NCKAP5: variants seen among roughly 807,000 people sequenced by gnomAD.
NCKAP5 encodes the protein NCK associated protein 5.
A neutral mutation model predicts 167.0 loss-of-function variants in NCKAP5; 92 were observed. The observed-to-expected ratio is 0.55, with a 90% CI of 0.47 to 0.66. NCKAP5 has a LOEUF of 0.66. NCKAP5 is among the 30% of genes least tolerant of loss of function. NCKAP5 has a pLI of 0.00. For synonymous variants in NCKAP5, 891 were observed against 877.4 expected (o/e 1.02, Z -0.27); for missense variants, 2,378 against 2,315.0 (o/e 1.03, Z -0.56).
chr2:132,896,810 G>A (rs529804444), intron 8 of NCKAP5, among the ~76,000 whole-genome samples: 1 of 152,262 alleles, frequency 6.6e-6, no homozygotes, highest in Admixed American at 6.5e-5. Context: ...TGGCTTTTTA[G>A]TTGTAGTCTG....
intron 3 of NCKAP5, among the ~76,000 whole-genome samples, chr2:133,482,547 T>C (rs1003480390): frequency 2.6e-5 from 4 of 152,226 alleles, no homozygotes; most frequent in African/African-American, 7.2e-5. Flanking sequence ...AATTCACTGA[T>C]GGATACTTAA....
At chr2:133,547,680 A>T (rs1048812349) in intron 2 of NCKAP5, among the ~76,000 whole-genome samples, 8 of 151,322 alleles carry the variant, frequency 5.3e-5, no homozygotes, top group Non-Finnish European at 1.2e-4. Context: ...GTCTGTTAGA[A>T]GGAAAACTAA....
chr2:132,829,394 T>C (rs1406871841), intron 11 of NCKAP5, among the ~76,000 whole-genome samples: 2 of 152,132 alleles, frequency 1.3e-5, no homozygotes, highest in Non-Finnish European at 2.9e-5. Context: ...GTGGTAGCTG[T>C]TGTTATTATC....
chr2:133,437,400 T>A (rs1459788007), intron 3 of NCKAP5, among the ~76,000 whole-genome samples: 1 of 150,992 alleles, frequency 6.6e-6, no homozygotes, highest in Non-Finnish European at 1.5e-5. Flanking sequence ...TGGGAAACTA[T>A]CCTTTTACCT....
chr2:132,909,740 A>T (rs1010806369), intron 8 of NCKAP5, among the ~76,000 whole-genome samples: 9 of 152,160 alleles, frequency 5.9e-5, no homozygotes, highest in Non-Finnish European at 2.9e-5. Context: ...CAGATGGAAA[A>T]CAGGAGGTGA....
chr2:133,214,873 C>T (rs964710895), intron 4 of NCKAP5, among the ~76,000 whole-genome samples: 2 of 152,042 alleles, frequency 1.3e-5, no homozygotes, highest in Non-Finnish European at 2.9e-5. Context: ...CAGTTCAATC[C>T]CCAGAAAATT....
rs549684323 is a variant in NCKAP5 at position 133,258,816 on chromosome 2, T to A, written c.143+44221A>T. Among the ~76,000 whole-genome samples the A allele has an allele frequency of 2.0e-5, 3 of 152,146 alleles. No homozygotes were observed. In the East Asian group the frequency reaches 5.8e-4, roughly 29 times the overall value. On this transcript the variant is annotated intron_variant, in intron 4 of 19. Transcript: ENST00000409261. ...TAACAGATTCAGTGATCAAAACTAT[T>A]TTAAGAAATTCTTAGAGAGAACTTC...
At chr2:132,769,859 C>T (rs1231941555) in intron 16 of NCKAP5, among the ~76,000 whole-genome samples, 3 of 152,094 alleles carry the variant, frequency 2.0e-5, no homozygotes, top group Admixed American at 2.0e-4. Context: ...GACTAGAGTG[C>T]TGGGAGTCAA....
rs116717656 is a variant in NCKAP5, at chr2:133,048,137, T to C, written c.342-53898A>G. Among the ~76,000 whole-genome samples, 585 of 152,280 alleles carry C rather than the reference T, an allele frequency of 3.8e-3. 3 individuals are homozygous for C. The highest frequency in any genetic ancestry group is 6.3e-3 in the Non-Finnish European group (427 of 68,010). ...GTCAAAGGAGGACGGCCTAAGTCCTTTGCACAAAGTACATCTTTATAACCA... is the reference window on the plus strand; with the variant it reads ...GTCAAAGGAGGACGGCCTAAGTCCTCTGCACAAAGTACATCTTTATAACCA... On this transcript the variant is annotated intron_variant, in intron 6 of 19. Transcript: ENST00000409261.
At chr2:132,981,919 G>A (rs1224800065) in intron 7 of NCKAP5, among the ~76,000 whole-genome samples, 1 of 152,192 alleles carries the variant, frequency 6.6e-6, no homozygotes, top group Non-Finnish European at 1.5e-5. Flanking sequence ...ATTGTGCAGT[G>A]GAAGAAGACA....
At chr2:133,531,131 A>G (rs1430401225) in intron 2 of NCKAP5, among the ~76,000 whole-genome samples, 1 of 152,070 alleles carries the variant, frequency 6.6e-6, no homozygotes, top group Non-Finnish European at 1.5e-5. Flanking sequence ...GAAGACTGAA[A>G]GAAAAAAAAG....
At chr2:133,240,391 G>T (rs536122257) in intron 4 of NCKAP5, among the ~76,000 whole-genome samples, 29 of 152,112 alleles carry the variant, frequency 1.9e-4, no homozygotes, top group Admixed American at 6.6e-4. Flanking sequence ...CCACAACAAA[G>T]CCCTGATGAA....
At chr2:133,235,156 T>A (rs1214362170) in intron 4 of NCKAP5, among the ~76,000 whole-genome samples, 7 of 151,844 alleles carry the variant, frequency 4.6e-5, no homozygotes, top group Non-Finnish European at 5.9e-5. Context: ...AATTGGTAAT[T>A]CCACAATTAG....
At chr2:133,034,395 C>T (rs2078975977) in intron 6 of NCKAP5, among the ~76,000 whole-genome samples, 1 of 152,154 alleles carries the variant, frequency 6.6e-6, no homozygotes, top group Non-Finnish European at 1.5e-5. Flanking sequence ...AAGAAAAGAA[C>T]ACTAATGAGC....
intron 3 of NCKAP5, among the ~76,000 whole-genome samples, chr2:133,500,682 T>C (rs768111724): frequency 6.6e-6 from 1 of 152,218 alleles, no homozygotes; most frequent in Non-Finnish European, 1.5e-5. Context: ...CTTGACACAC[T>C]TGAAAGAAAT....
chr2:132,868,809 G>A (rs763575146), intron 10 of NCKAP5, 127 bp downstream of exon 10: 9 of 587,554 alleles, frequency 1.5e-5, no homozygotes, highest in South Asian at 7.9e-5. Context: ...AAACACAAAC[G>A]ATTTTCACTA....
At chr2:133,057,669 G>A (rs2079851598) in intron 6 of NCKAP5, among the ~76,000 whole-genome samples, 1 of 152,234 alleles carries the variant, frequency 6.6e-6, no homozygotes, top group African/African-American at 2.4e-5. Context: ...AGTAGTTCAT[G>A]AGGTTTAAGG....
the NCKAP5 span, among the ~76,000 whole-genome samples, chr2:133,649,019 AG>A: frequency 6.6e-6 from 1 of 151,952 alleles, no homozygotes; most frequent in Non-Finnish European, 1.5e-5. Context: ...AAAAAGAGAA[AG>A]ACTCAAATAC....
chr2:132,877,813 G>C (rs774622336), intron 9 of NCKAP5, among the ~76,000 whole-genome samples: 2 of 152,170 alleles, frequency 1.3e-5, no homozygotes, highest in Non-Finnish European at 2.9e-5. Context: ...GAGTTTGTTA[G>C]AAGAGATTTC....
Sources: gnomAD v4.1 joint callset for allele counts (sites outside exome capture counted in the v4.1 genomes callset) on GRCh38, gnomAD v4.1.1 for gene constraint, MANE v1.5 for transcripts, NCBI Gene and HGNC (gene_info 2026-07-23, HGNC 2026-07-21) for gene names.